The following RELN variants were observed in gnomAD, a reference collection of about 807,000 sequenced individuals.
RELN encodes the protein reelin.
Under a neutral mutation model 427.6 loss-of-function variants are expected in RELN, and 108 were observed. The observed-to-expected ratio is 0.25, with a 90% CI of 0.22 to 0.30. The LOEUF is 0.30. Among genes scored for constraint, RELN ranks in the 10% least tolerant of loss-of-function variants. RELN has a pLI of 1.00. For missense variants in RELN, 3,715 were observed against 4,302.8 expected (o/e 0.86, Z 3.82); for synonymous variants, 1,524 against 1,513.4 (o/e 1.01, Z -0.16).
At chr7:103,975,816 G>A (rs1563120595) in intron 1 of RELN, among the ~76,000 whole-genome samples, 1 of 151,640 alleles carries the variant, frequency 6.6e-6, no homozygotes. Context: ...AAAGTGCTAG[G>A]ATTACAGGCG....
intron 42 of RELN, among the ~76,000 whole-genome samples, chr7:103,544,076 T>C (rs1441809004): frequency 6.6e-6 from 1 of 152,194 alleles, no homozygotes; most frequent in Non-Finnish European, 1.5e-5. Flanking sequence ...GTTTCATCTA[T>C]GTTGTAGCAT....
At chr7:103,548,602 C>T (rs907064674) in intron 41 of RELN, among the ~76,000 whole-genome samples, 1 of 152,174 alleles carries the variant, frequency 6.6e-6, no homozygotes, top group African/African-American at 2.4e-5. Flanking sequence ...ATGCATGCCT[C>T]CTTGATACAT....
chr7:103,810,456 A>T (rs1792712486), intron 3 of RELN, among the ~76,000 whole-genome samples: 1 of 152,174 alleles, frequency 6.6e-6, no homozygotes, highest in Non-Finnish European at 1.5e-5. Flanking sequence ...GAAGGAGGAG[A>T]AGACATTTGT....
At chr7:103,661,280 T>C in intron 12 of RELN, 96 bp downstream of exon 12, 1 of 1,325,534 alleles carries the variant, frequency 7.5e-7, no homozygotes, top group Non-Finnish European at 1.1e-6. Flanking sequence ...AATTTTCATT[T>C]TACGTAGTTG....
At chr7:103,746,111 T>C (rs868127621) in intron 6 of RELN, among the ~76,000 whole-genome samples, 4 of 151,954 alleles carry the variant, frequency 2.6e-5, no homozygotes, top group African/African-American at 7.3e-5. Flanking sequence ...GAAATAATGC[T>C]GCATATCTAC....
chr7:103,915,193 C>A (rs1795457188), intron 2 of RELN, among the ~76,000 whole-genome samples: 1 of 152,080 alleles, frequency 6.6e-6, no homozygotes, highest in African/African-American at 2.4e-5. Flanking sequence ...CTGTGCCCCA[C>A]CATCCACAGA....
In RELN at chr7:103,826,997, C is replaced by CTT. The variant is rs201344580; in HGVS notation, c.473+6538_473+6539dup. ...AAAGGAAGAGGTTGTTTTGCTATAGCTTTTTTTTTTTTTTTTGCTTCTAGA... is the reference window on the plus strand; with the variant it reads ...AAAGGAAGAGGTTGTTTTGCTATAGCTTTTTTTTTTTTTTTTTTGCTTCTAGA... On this transcript the variant is annotated intron_variant, in intron 3 of 64. Transcript: ENST00000428762. 5.5e-3 allele frequency among the ~76,000 whole-genome samples: 722 copies of CTT among 130,794 alleles called. 5 individuals carry two copies. The highest frequency in any genetic ancestry group is 0.018 in the African/African-American group (667 of 36,062). The allele number at this position is 130,794 out of a possible 152,430, so 85.8% of individuals were successfully genotyped here.
At chr7:103,498,368 G>T in intron 53 of RELN, 116 bp from the exon 54 acceptor site, 2 of 930,950 alleles carry the variant, frequency 2.1e-6, no homozygotes, top group Non-Finnish European at 3.4e-6. Context: ...GATTTCAAAT[G>T]CTTTTCAAAG....
rs1211021120 is a variant in RELN at position 103,652,733 on chromosome 7, G to A, written c.1581C>T (p.Ile527=). Reference sequence around the variant, plus strand: ...TAGCAGGAGTCTGAAGTTCAGGATTGATGACCACAGAAACCAAAGACGGAA... The same window carrying A: ...TAGCAGGAGTCTGAAGTTCAGGATTAATGACCACAGAAACCAAAGACGGAA... The part of the protein sequence containing the change: ...YKVPSLVSVV[I]NPELQTPATK... The change falls in exon 14 of 65, where the codon ATC becomes ATT. Residue 527 remains isoleucine (I), a synonymous_variant. Transcript: ENST00000428762. The A allele has an allele frequency of 1.2e-6, 2 of 1,612,596 alleles. No individual in the cohort carries two copies. The highest frequency in any genetic ancestry group is 2.7e-5 in the African/African-American group (2 of 74,820).
At chr7:103,673,685 T>C (rs1833445229) in intron 11 of RELN, among the ~76,000 whole-genome samples, 1 of 152,130 alleles carries the variant, frequency 6.6e-6, no homozygotes, top group Non-Finnish European at 1.5e-5. Context: ...TAATACTTGA[T>C]ATTTGGCTGG....
intron 7 of RELN, among the ~76,000 whole-genome samples, chr7:103,726,182 A>T (rs904378823): frequency 6.6e-6 from 1 of 152,194 alleles, no homozygotes; most frequent in Non-Finnish European, 1.5e-5. Flanking sequence ...CTCACTTTTC[A>T]TTTGATTGAT....
chr7:103,848,899 C>T (rs1793746886), intron 2 of RELN, among the ~76,000 whole-genome samples: 1 of 152,166 alleles, frequency 6.6e-6, no homozygotes, highest in Admixed American at 6.5e-5. Context: ...GTACCTCACC[C>T]CTTACCTTGA....
At chr7:103,513,835 G>A (rs2117072308) in intron 50 of RELN, 1 of 152,206 alleles carries the variant, frequency 6.6e-6, no homozygotes, top group South Asian at 2.1e-4. Flanking sequence ...ATATGTTTAT[G>A]TAAATGCGCT....
At position 103,515,388 on chromosome 7, in the gene RELN, C is replaced by T. The variant is rs369735904; in HGVS notation, c.7916G>A (p.Arg2639His). 8.1e-6 allele frequency: 13 copies of T among 1,613,964 alleles called. No individual in the cohort carries two copies. Among genetic ancestry groups the T allele is most frequent in the South Asian group, 4.4e-5 (4 of 91,076 alleles). Residue 2639 changes from arginine (R) to histidine (H), a missense_variant, in exon 50 of 65, where the codon CGC becomes CAC. By Grantham distance (29) the Arg-to-His change is conservative (BLOSUM62 0). Transcript: ENST00000428762. ...GCCGTCATGTCTTGGCTGCCACCAG[C>T]GGAAGCGAGTGGCAATCTCTTTAGC... ...PDAKEIATRFRWWQPRHDGLD... is the reference protein window; with the variant it reads ...PDAKEIATRFHWWQPRHDGLD...
rs149397714 is a variant in RELN, at chr7:103,700,962, C to T, written c.850G>A (p.Val284Met). The T allele has an allele frequency of 3.1e-5, 50 of 1,612,596 alleles. No homozygotes were observed. Among genetic ancestry groups the T allele is most frequent in the East Asian group, 4.5e-5 (2 of 44,844 alleles). The change falls in exon 9 of 65, where the codon GTG (valine) becomes ATG (methionine). Residue 284 changes from valine (V) to methionine (M), a missense_variant. Coordinates refer to ENST00000428762, the MANE Select transcript of RELN (RefSeq NM_005045.4). ...RFSYSDPSII[V>M]LYAKNNSADW... is the part of the protein sequence containing the mutation. The stretch of plus-strand genomic sequence containing the variant: ...GCAGAGTTATTCTTGGCATATAACA[C>T]GATGATGCTGGGGTCTGAATAACTA...
intron 2 of RELN, among the ~76,000 whole-genome samples, chr7:103,845,145 A>T (rs959474261): frequency 2.9e-4 from 44 of 150,708 alleles, no homozygotes; most frequent in African/African-American, 8.0e-4. Context: ...ATCAAAAAAA[A>T]ATTTTTTTTT....
At chr7:103,772,601 T>C (rs761800471) in intron 4 of RELN, among the ~76,000 whole-genome samples, 2 of 152,072 alleles carry the variant, frequency 1.3e-5, no homozygotes, top group Non-Finnish European at 2.9e-5. Context: ...ATCAAAGATG[T>C]TTTCTCTGGA....
chr7:103,911,967 C>A (rs1314211041), intron 2 of RELN, among the ~76,000 whole-genome samples: 1 of 150,686 alleles, frequency 6.6e-6, no homozygotes, highest in Non-Finnish European at 1.5e-5. Flanking sequence ...AACTAACCTG[C>A]ACAATGTGCA....
intron 2 of RELN, among the ~76,000 whole-genome samples, chr7:103,885,959 TGGTG>T: frequency 6.6e-6 from 1 of 152,128 alleles, no homozygotes; most frequent in Non-Finnish European, 1.5e-5. Flanking sequence ...AAAGAAGAAA[TGGTG>T]ATTATTTTAA....
Sources: gnomAD v4.1 joint callset for allele counts (sites outside exome capture counted in the v4.1 genomes callset) on GRCh38, gnomAD v4.1.1 for gene constraint, MANE v1.5 for transcripts, NCBI Gene and HGNC (gene_info 2026-07-23, HGNC 2026-07-21) for gene names.